ST6GALNAC3: variants seen among roughly 807,000 people sequenced by gnomAD.
ST6GALNAC3 encodes ST6 N-acetylgalactosaminide alpha-2,6-sialyltransferase 3.
A neutral mutation model predicts 32.7 loss-of-function variants in ST6GALNAC3; 25 were observed. The observed-to-expected ratio is 0.76, with a 90% CI of 0.56 to 1.07. The LOEUF (loss-of-function observed/expected upper bound fraction) is 1.07, where lower values mean the gene tolerates loss of function less well. Among genes scored for constraint, ST6GALNAC3 ranks in the 50% least tolerant of loss-of-function variants. ST6GALNAC3 has a pLI of 0.00. For synonymous variants in ST6GALNAC3, 129 were observed against 133.1 expected (o/e 0.97, Z 0.21); for missense variants, 355 against 382.4 (o/e 0.93, Z 0.60).
intron 1 of ST6GALNAC3, among the ~76,000 whole-genome samples, chr1:76,145,720 A>G (rs1365853537): frequency 2.0e-5 from 3 of 152,242 alleles, no homozygotes; most frequent in South Asian, 2.1e-4. Flanking sequence ...AGTAAATTCT[A>G]TATGTGTTTA....
chr1:76,294,156 T>C (rs1660257076), intron 1 of ST6GALNAC3, among the ~76,000 whole-genome samples: 1 of 152,170 alleles, frequency 6.6e-6, no homozygotes, highest in African/African-American at 2.4e-5. Flanking sequence ...CACTATTCAG[T>C]ATTTAAATAC....
At chr1:76,507,995 C>A (rs1156449609) in intron 3 of ST6GALNAC3, among the ~76,000 whole-genome samples, 1 of 152,170 alleles carries the variant, frequency 6.6e-6, no homozygotes, top group Non-Finnish European at 1.5e-5. Flanking sequence ...CAGCACCTCA[C>A]TGTGGTTTTG....
At chr1:76,431,417 A>C (rs1466375008) in intron 3 of ST6GALNAC3, among the ~76,000 whole-genome samples, 1 of 152,234 alleles carries the variant, frequency 6.6e-6, no homozygotes, top group African/African-American at 2.4e-5. Context: ...TGATTAAAAA[A>C]ATAAAATTCA....
rs143475434 is a variant in ST6GALNAC3 at position 76,165,957 on chromosome 1, A to G, written c.18+91073A>G. 4.2e-4 allele frequency among the ~76,000 whole-genome samples: 64 copies of G among 152,172 alleles called. 2 individuals carry two copies. In the East Asian group the frequency reaches 0.011, roughly 27 times the overall value. Reference sequence around the variant, plus strand: ...TTGCACAAATTTCCTCCCATTCTGTAGGTTGTCTGTTCACTTTGTTGAGAG... The same window carrying G: ...TTGCACAAATTTCCTCCCATTCTGTGGGTTGTCTGTTCACTTTGTTGAGAG... On this transcript the variant is annotated intron_variant, in intron 1 of 4. Transcript: ENST00000328299.
chr1:76,444,751 A>G (rs1656854250), intron 3 of ST6GALNAC3, among the ~76,000 whole-genome samples: 1 of 152,126 alleles, frequency 6.6e-6, no homozygotes, highest in Non-Finnish European at 1.5e-5. Context: ...GAAGAGTAAC[A>G]TTAAGGAACC....
chr1:76,133,479 GTC>G (rs972528053), intron 1 of ST6GALNAC3, among the ~76,000 whole-genome samples: 2 of 152,160 alleles, frequency 1.3e-5, no homozygotes, highest in Non-Finnish European at 2.9e-5. Flanking sequence ...TCCACCCCCT[GTC>G]TCTCCACCAT....
intron 3 of ST6GALNAC3, chr1:76,577,302 T>TA (rs1455291751): frequency 1.0e-6 from 1 of 987,858 alleles, no homozygotes; most frequent in Non-Finnish European, 1.2e-6. Flanking sequence ...GAAAAGGCCA[T>TA]GCTAGATTTC....
chr1:76,201,221 T>C (rs1284957640), intron 1 of ST6GALNAC3, among the ~76,000 whole-genome samples: 2 of 152,314 alleles, frequency 1.3e-5, no homozygotes, highest in South Asian at 2.1e-4. Context: ...GAGGTTTCAT[T>C]GACTCACAGT....
chr1:76,518,169 A>G (rs1179361844), intron 3 of ST6GALNAC3, among the ~76,000 whole-genome samples: 1 of 151,908 alleles, frequency 6.6e-6, no homozygotes, highest in Non-Finnish European at 1.5e-5. Context: ...TTTTTGATGC[A>G]TGTTGCTAAG....
intron 1 of ST6GALNAC3, among the ~76,000 whole-genome samples, chr1:76,165,887 A>G (rs1652092944): frequency 6.6e-6 from 1 of 151,396 alleles, no homozygotes; most frequent in African/African-American, 2.4e-5. Context: ...ATTTGTTTGT[A>G]TTTCTTATAA....
intron 1 of ST6GALNAC3, among the ~76,000 whole-genome samples, chr1:76,196,535 G>A (rs990322259): frequency 4.0e-5 from 6 of 151,134 alleles, no homozygotes; most frequent in East Asian, 1.9e-4. Flanking sequence ...GCGCGATCTC[G>A]GCTCACTGCA....
chr1:76,525,506 A>T (rs1018711565), intron 3 of ST6GALNAC3, among the ~76,000 whole-genome samples: 1 of 151,706 alleles, frequency 6.6e-6, no homozygotes, highest in African/African-American at 2.4e-5. Context: ...TGAATCGATG[A>T]TATAGATTAT....
chr1:76,421,890 C>T (rs563117313), intron 3 of ST6GALNAC3, among the ~76,000 whole-genome samples: 80 of 152,062 alleles, frequency 5.3e-4, no homozygotes, highest in Non-Finnish European at 1.0e-3. Context: ...AATAAAAACA[C>T]GTGTTTACAG....
chr1:76,596,904 T>C (rs1647146520), intron 3 of ST6GALNAC3, among the ~76,000 whole-genome samples: 1 of 152,192 alleles, frequency 6.6e-6, no homozygotes, highest in Admixed American at 6.6e-5. Context: ...ACTTGTGAGC[T>C]TATAATTATC....
chr1:76,475,647 A>C (rs996689900), intron 3 of ST6GALNAC3, among the ~76,000 whole-genome samples: 2 of 152,090 alleles, frequency 1.3e-5, no homozygotes, highest in African/African-American at 4.8e-5. Flanking sequence ...TGTCATTAAG[A>C]TTTCTCTCCT....
intron 1 of ST6GALNAC3, among the ~76,000 whole-genome samples, chr1:76,207,548 AC>A (rs769529521): frequency 2.6e-5 from 4 of 152,182 alleles, no homozygotes; most frequent in Non-Finnish European, 4.4e-5. Context: ...TCATCCCAAG[AC>A]AGAAGGCATC....
intron 2 of ST6GALNAC3, among the ~76,000 whole-genome samples, chr1:76,351,694 T>C (rs777300377): frequency 6.6e-6 from 1 of 152,190 alleles, no homozygotes; most frequent in Admixed American, 6.5e-5. Flanking sequence ...AGGATAATCA[T>C]ATATCCCAGT....
chr1:76,481,868 T>G (rs1659745312), intron 3 of ST6GALNAC3, among the ~76,000 whole-genome samples: 1 of 152,170 alleles, frequency 6.6e-6, no homozygotes, highest in Non-Finnish European at 1.5e-5. Context: ...GGGCCCATAA[T>G]AGAACTCCAT....
At position 76,629,451 on chromosome 1, in the gene ST6GALNAC3, A is replaced by C; in HGVS notation, c.*645A>C. On this transcript the variant is annotated 3_prime_UTR_variant, in exon 5 of 5. Transcript: ENST00000328299. Reference sequence around the variant, plus strand: ...ATTACTTGACTATCTCAAACACATAAATCAAAATGGGCCAAGTAGCAAATC... The same window carrying C: ...ATTACTTGACTATCTCAAACACATACATCAAAATGGGCCAAGTAGCAAATC... The C allele has an allele frequency of 7.1e-6, 7 of 985,588 alleles. No individual in the cohort carries two copies. Among genetic ancestry groups the C allele is most frequent in the Non-Finnish European group, 8.4e-6 (7 of 829,812 alleles). The allele number at this position is 985,588 out of a possible 1,614,324, so 61.1% of individuals were successfully genotyped here.
Sources: gnomAD v4.1 joint callset for allele counts (sites outside exome capture counted in the v4.1 genomes callset) on GRCh38, gnomAD v4.1.1 for gene constraint, MANE v1.5 for transcripts, NCBI Gene and HGNC (gene_info 2026-07-23, HGNC 2026-07-21) for gene names.